FGD5: variants seen among roughly 807,000 people sequenced by gnomAD.
FGD5 encodes FYVE, RhoGEF and PH domain containing 5, also known as FYVE, RhoGEF and PH domain-containing protein 5.
FGD5 carries 28 observed loss-of-function variants against 133.4 expected under a neutral mutation model. The observed-to-expected ratio is 0.21, with a 90% CI of 0.16 to 0.29. FGD5 has a LOEUF of 0.29. Ranked by LOEUF, FGD5 falls within the 10% of genes least tolerant of loss-of-function variation. The pLI is 1.00. For synonymous variants in FGD5, 810 were observed against 776.5 expected (o/e 1.04, Z -0.72); for missense variants, 1,858 against 1,895.2 (o/e 0.98, Z 0.36).
intron 4 of FGD5, among the ~76,000 whole-genome samples, chr3:14,884,235 G>T (rs1169773420): frequency 6.6e-6 from 1 of 152,170 alleles, no homozygotes; most frequent in Non-Finnish European, 1.5e-5. Context: ...CCTAGAGGAA[G>T]CCAAAAGTTC....
chr3:14,889,544 T>G (rs2037986770), intron 4 of FGD5, among the ~76,000 whole-genome samples: 1 of 152,212 alleles, frequency 6.6e-6, no homozygotes, highest in South Asian at 2.1e-4. Flanking sequence ...AAGTCATTTC[T>G]CCTTGGTATT....
intron 1 of FGD5, chr3:14,810,963 C>T (rs1386487622): frequency 1.1e-6 from 1 of 940,860 alleles, no homozygotes; most frequent in African/African-American, 1.8e-5. Context: ...GGGCTAGCTG[C>T]CCGAAATCCT....
intron 1 of FGD5, among the ~76,000 whole-genome samples, chr3:14,845,328 T>C (rs1436863740): frequency 6.6e-6 from 1 of 152,192 alleles, no homozygotes. Context: ...AAGGTTTAAG[T>C]TGAAACTACT....
chr3:14,881,536 C>A (rs2037824858), intron 4 of FGD5, among the ~76,000 whole-genome samples: 1 of 152,116 alleles, frequency 6.6e-6, no homozygotes. Context: ...AAGGGCTAGG[C>A]CATAGCGAAG....
At chr3:14,890,805 C>G (rs944857455) in intron 4 of FGD5, among the ~76,000 whole-genome samples, 2 of 152,248 alleles carry the variant, frequency 1.3e-5, no homozygotes, top group Admixed American at 1.3e-4. Context: ...GTTGCAAATA[C>G]AGCCGGTCTT....
In FGD5 at chr3:14,821,019, A is replaced by T. The variant is rs772980788; in HGVS notation, c.1948A>T (p.Lys650Ter). 1 of 1,613,912 alleles carries T rather than the reference A, an allele frequency of 6.2e-7. No individual in the cohort carries two copies. The highest frequency in any genetic ancestry group is 8.5e-7 in the Non-Finnish European group (1 of 1,179,882). The change falls in exon 1 of 20, where the codon AAG becomes TAG. Residue 650 changes from lysine (K) to a stop codon, truncating the protein, a stop_gained. Coordinates refer to ENST00000285046, the MANE Select transcript of FGD5 (RefSeq NM_152536.4). LOFTEE classifies it high-confidence loss of function. ...CTCCCCGGACAAGTACAAGAAGAAG[A>T]AGTCATCCTTTAAGCGCTTCCTGGC... ...SDSPDKYKKK[K>*]SSFKRFLALT...
chr3:14,818,925 T>C, upstream of FGD5: 2 of 1,431,610 alleles, frequency 1.4e-6, no homozygotes, highest in Non-Finnish European at 9.1e-7. Flanking sequence ...TAATTGTACT[T>C]TTTCTCCTTT....
At chr3:14,870,161 C>T (rs1575220661) in intron 2 of FGD5, among the ~76,000 whole-genome samples, 1 of 129,144 alleles carries the variant, frequency 7.7e-6, no homozygotes, top group East Asian at 2.3e-4. Context: ...CATGAGGGAG[C>T]CCGCACTGTG....
chr3:14,930,536 G>T (rs971045723), intron 18 of FGD5, among the ~76,000 whole-genome samples: 4 of 152,092 alleles, frequency 2.6e-5, no homozygotes, highest in Non-Finnish European at 4.4e-5. Flanking sequence ...AGCAGAGGTT[G>T]CAGTGAGCCG....
chr3:14,891,589 G>A (rs1559495488), intron 4 of FGD5, among the ~76,000 whole-genome samples: 3 of 152,270 alleles, frequency 2.0e-5, no homozygotes, highest in South Asian at 2.1e-4. Context: ...GGCCAGTCTC[G>A]GGCAGGAACC....
At chr3:14,828,686 G>GT (rs754832055) in intron 1 of FGD5, among the ~76,000 whole-genome samples, 1 of 152,156 alleles carries the variant, frequency 6.6e-6, no homozygotes, top group Non-Finnish European at 1.5e-5. Flanking sequence ...GCTGGCTGAG[G>GT]AGAAAGATGG....
chr3:14,870,455 T>C (rs1396254919), intron 2 of FGD5, among the ~76,000 whole-genome samples: 1 of 152,130 alleles, frequency 6.6e-6, no homozygotes, highest in East Asian at 1.9e-4. Flanking sequence ...TTCAGACCCC[T>C]CTTACACAAG....
intron 8 of FGD5, 89 bp downstream of exon 8, chr3:14,900,542 C>A: frequency 6.9e-7 from 1 of 1,459,204 alleles, no homozygotes; most frequent in East Asian, 2.4e-5. Context: ...TTCCAAGGCC[C>A]AGGATATAGT....
intron 7 of FGD5, among the ~76,000 whole-genome samples, chr3:14,899,657 G>A (rs2038199786): frequency 6.6e-6 from 1 of 152,214 alleles, no homozygotes; most frequent in African/African-American, 2.4e-5. Context: ...TGCTGGAGAT[G>A]CAGCAGTAAA....
At chr3:14,823,188 C>G (rs949793523) in intron 1 of FGD5, among the ~76,000 whole-genome samples, 1 of 152,124 alleles carries the variant, frequency 6.6e-6, no homozygotes, top group Admixed American at 6.5e-5. Context: ...AGACCCATCC[C>G]CCAGCTGAGT....
intron 6 of FGD5, 104 bp from the exon 7 acceptor site, chr3:14,898,635 C>A: frequency 1.1e-6 from 1 of 899,002 alleles, no homozygotes; most frequent in Non-Finnish European, 1.7e-6. Context: ...GTTCAGCTGG[C>A]CCGGGAAGAG....
rs374173929 is a variant in FGD5, at chr3:14,820,271, A to T, written c.1200A>T (p.Leu400=). The change falls in exon 1 of 20, where the codon CTA becomes CTT. Residue 400 remains leucine (L), a synonymous_variant. Transcript: ENST00000285046. ...CTTTGTGTGGCCAGTGTGGCTCCCT[A>T]CAGGGTGGAGCGGCCGAGGGTCCCG... is the stretch of plus-strand genomic sequence containing the variant. The part of the protein sequence containing the change: ...VGALCGQCGS[L]QGGAAEGPAA... 6.2e-7 allele frequency: 1 copy of T among 1,605,298 alleles called. No homozygotes were observed. Among genetic ancestry groups the T allele is most frequent in the Non-Finnish European group, 8.5e-7 (1 of 1,175,552 alleles).
chr3:14,910,248 C>G (rs928487100), intron 10 of FGD5, among the ~76,000 whole-genome samples: 2 of 152,178 alleles, frequency 1.3e-5, no homozygotes, highest in Non-Finnish European at 2.9e-5. Context: ...TCAATCCAGT[C>G]AAGTTGATGC....
At chr3:14,844,220 ATATATATATATATATATATAT>A (rs1559477422) in intron 1 of FGD5, among the ~76,000 whole-genome samples, 534 of 16,352 alleles carry the variant, frequency 0.033, 56 homozygotes, top group African/African-American at 0.063. Flanking sequence ...AAAAAAAAAT[ATATATATATATATATATATAT>A]ATATATATAT....
Sources: allele counts gnomAD v4.1 joint callset (sites outside exome capture counted in the v4.1 genomes callset), GRCh38; gene constraint gnomAD v4.1.1; transcripts MANE v1.5; gene names NCBI Gene and HGNC (gene_info 2026-07-23, HGNC 2026-07-21).